Variants in C3orf70 observed in about 807,000 individuals in gnomAD.
The protein encoded by C3orf70 is chromosome 3 open reading frame 70.
In C3orf70, 15 loss-of-function variants were observed where a neutral mutation model predicts 20.7. The observed-to-expected ratio is 0.72, with a 90% CI of 0.48 to 1.11. C3orf70 has a LOEUF of 1.11. C3orf70 is among the 50% of genes most tolerant of loss of function. The pLI, the probability that C3orf70 is intolerant of heterozygous loss-of-function variation, is 0.00. For missense variants in C3orf70, 332 were observed against 317.6 expected, an observed-to-expected ratio of 1.05 and a Z score of -0.34; for synonymous variants, 161 against 125.7, an observed-to-expected ratio of 1.28 and a Z score of -1.88.
chr3:185,133,729 G>C (rs1427340319), intron 1 of C3orf70, among the ~76,000 whole-genome samples: 3 of 152,206 alleles, frequency 2.0e-5, no homozygotes, highest in Non-Finnish European at 4.4e-5. Context: ...GGGTGACAGA[G>C]TGAGACTTGT....
At chr3:185,098,977 T>C (rs34056543) in intron 1 of C3orf70, among the ~76,000 whole-genome samples, 9,018 of 152,318 alleles carry the variant, frequency 0.059, 372 homozygotes, top group South Asian at 0.1. Flanking sequence ...TATAATCACG[T>C]GAGCCAATTC....
intron 1 of C3orf70, among the ~76,000 whole-genome samples, chr3:185,090,093 TTCCTC>T (rs1000295171): frequency 1.3e-5 from 2 of 152,208 alleles, no homozygotes; most frequent in Non-Finnish European, 2.9e-5. Flanking sequence ...CCTGTATTCT[TTCCTC>T]AGGAAGATAC....
chr3:185,138,809 G>A (rs1716681579), intron 1 of C3orf70, among the ~76,000 whole-genome samples: 1 of 152,184 alleles, frequency 6.6e-6, no homozygotes, highest in South Asian at 2.1e-4. Context: ...ACTTAAAGGT[G>A]AAAGATTTGG....
chr3:185,091,937 ATATATATATATATATATATATATATAT>A lies in C3orf70; in HGVS notation c.197-8401_197-8375del, dbSNP rs1244459472. On this transcript the variant is annotated intron_variant, in intron 1 of 1. Coordinates refer to ENST00000335012, the MANE Select transcript of C3orf70 (RefSeq NM_001025266.3). ...CATATATATATATATATATATATAT[ATATATATATATATATATATATATATAT>A]TTTTTTTTTTTTTTAGTAGAGACAG... Among the ~76,000 whole-genome samples the A allele has an allele frequency of 2.2e-3, 24 of 11,056 alleles. 2 individuals are homozygous for A. Among genetic ancestry groups the A allele is most frequent in the African/African-American group, 7.3e-3 (22 of 3,028 alleles). The allele number at this position is 11,056 out of a possible 152,430, so 7.3% of individuals were successfully genotyped here. A position where few individuals can be genotyped will look rare whatever the true frequency, so the allele number is the denominator to read the frequency against.
chr3:185,097,923 AACT>A (rs1715744978), intron 1 of C3orf70, among the ~76,000 whole-genome samples: 1 of 152,222 alleles, frequency 6.6e-6, no homozygotes, highest in Non-Finnish European at 1.5e-5. Context: ...TACAGCAGAT[AACT>A]TTATGGTTTT....
chr3:185,088,158 G>A (rs1715496914), intron 1 of C3orf70, among the ~76,000 whole-genome samples: 1 of 152,018 alleles, frequency 6.6e-6, no homozygotes, highest in Admixed American at 6.6e-5. Context: ...TGATCCACCC[G>A]CCTCGGCCTC....
chr3:185,100,096 G>GA (rs1316081881), intron 1 of C3orf70, among the ~76,000 whole-genome samples: 1 of 151,964 alleles, frequency 6.6e-6, no homozygotes, highest in Non-Finnish European at 1.5e-5. Context: ...TTCCACACAA[G>GA]AATAGTGAGA....
intron 1 of C3orf70, among the ~76,000 whole-genome samples, chr3:185,139,959 A>G (rs574027146): frequency 1.3e-5 from 2 of 152,350 alleles, no homozygotes; most frequent in East Asian, 3.9e-4. Context: ...AAAAGGAAAA[A>G]CTGATAAACT....
At chr3:185,118,241 T>C (rs1716224054) in intron 1 of C3orf70, among the ~76,000 whole-genome samples, 1 of 152,238 alleles carries the variant, frequency 6.6e-6, no homozygotes, top group Non-Finnish European at 1.5e-5. Context: ...TGGGACATGA[T>C]GGTTCTTTCC....
intron 1 of C3orf70, among the ~76,000 whole-genome samples, chr3:185,122,201 C>G (rs1457732262): frequency 6.6e-6 from 1 of 151,778 alleles, no homozygotes; most frequent in Non-Finnish European, 1.5e-5. Context: ...TAGATGATTC[C>G]AGAACCAGTA....
chr3:185,141,801 A>AACACACACACACACACAC (rs66562532), intron 1 of C3orf70, among the ~76,000 whole-genome samples: 5 of 146,356 alleles, frequency 3.4e-5, no homozygotes, highest in African/African-American at 1.3e-4. Flanking sequence ...ATGCAAAGGA[A>AACACACACACACACACAC]ACACACACAC....
At chr3:185,110,848 GT>G (rs1372386086) in intron 1 of C3orf70, among the ~76,000 whole-genome samples, 2 of 152,174 alleles carry the variant, frequency 1.3e-5, no homozygotes, top group Non-Finnish European at 2.9e-5. Flanking sequence ...GATACTTTTA[GT>G]TAATTTAATA....
At chr3:185,134,820 G>A (rs1220082713) in intron 1 of C3orf70, among the ~76,000 whole-genome samples, 2 of 152,108 alleles carry the variant, frequency 1.3e-5, no homozygotes, top group African/African-American at 2.4e-5. Context: ...GCAGAAATCA[G>A]GACTCAGTGG....
rs1446769170 is a variant in C3orf70, at chr3:185,077,075, A to C, written c.*5932T>G. Among the ~76,000 whole-genome samples, 2 of 152,174 alleles carry C rather than the reference A, an allele frequency of 1.3e-5. No homozygotes were observed. Among genetic ancestry groups the C allele is most frequent in the African/African-American group, 2.4e-5 (1 of 41,428 alleles). On this transcript the variant is annotated 3_prime_UTR_variant, in exon 2 of 2. Transcript: ENST00000335012. The stretch of plus-strand genomic sequence containing the variant: ...GTCAAGAGGTGATTAAACATGGAAG[A>C]AGCAATGGCCTCATCAGAGCATAGA...
At chr3:185,140,496 G>C (rs1186100610) in intron 1 of C3orf70, among the ~76,000 whole-genome samples, 1 of 152,118 alleles carries the variant, frequency 6.6e-6, no homozygotes, top group Admixed American at 6.5e-5. Flanking sequence ...ACCAAAATCA[G>C]TCATCAATAC....
At chr3:185,134,985 T>C (rs13070347) in intron 1 of C3orf70, among the ~76,000 whole-genome samples, 10,736 of 152,138 alleles carry the variant, frequency 0.071, 442 homozygotes, top group South Asian at 0.11. Context: ...ATAATGAGGA[T>C]GCAGCCCCTT....
At chr3:185,117,126 A>G (rs1716191935) in intron 1 of C3orf70, among the ~76,000 whole-genome samples, 1 of 152,186 alleles carries the variant, frequency 6.6e-6, no homozygotes, top group Admixed American at 6.5e-5. Context: ...ATGGAAAATC[A>G]ACATTTATTA....
At chr3:185,124,609 C>A (rs575820324) in intron 1 of C3orf70, among the ~76,000 whole-genome samples, 1 of 152,190 alleles carries the variant, frequency 6.6e-6, no homozygotes, top group African/African-American at 2.4e-5. Flanking sequence ...AGGAGAAAAT[C>A]TTTGTGACCT....
chr3:185,143,030 G>C (rs116373812), intron 1 of C3orf70, among the ~76,000 whole-genome samples: 1 of 152,144 alleles, frequency 6.6e-6, no homozygotes, highest in African/African-American at 2.4e-5. Flanking sequence ...TTGACCCCTG[G>C]ATTTTTTATA....
Sources: gnomAD v4.1 joint callset for allele counts (sites outside exome capture counted in the v4.1 genomes callset) on GRCh38, gnomAD v4.1.1 for gene constraint, MANE v1.5 for transcripts, NCBI Gene and HGNC (gene_info 2026-07-23, HGNC 2026-07-21) for gene names.